MRTFA: variants seen among roughly 807,000 people sequenced by gnomAD.
MRTFA encodes myocardin related transcription factor A.
In MRTFA, 20 loss-of-function variants were observed where a neutral mutation model predicts 83.5. That is an observed-to-expected ratio of 0.24 (90% CI 0.17 to 0.35). The LOEUF is 0.35. MRTFA is among the 10% of genes least tolerant of loss of function. The pLI, the probability that MRTFA is intolerant of heterozygous loss-of-function variation, is 1.00. For synonymous variants in MRTFA, 659 were observed against 541.2 expected, an observed-to-expected ratio of 1.22 and a Z score of -3.02; for missense variants, 1,200 against 1,224.7, an observed-to-expected ratio of 0.98 and a Z score of 0.30.
At chr22:40,609,954 CAGAGT>C (rs2056366651) in intron 1 of MRTFA, among the ~76,000 whole-genome samples, 2 of 151,812 alleles carry the variant, frequency 1.3e-5, no homozygotes, top group Admixed American at 1.3e-4. Context: ...CAGTTCTAAT[CAGAGT>C]AAAGAGGATA....
At chr22:40,597,922 C>T (rs1442683287) in intron 1 of MRTFA, among the ~76,000 whole-genome samples, 1 of 152,186 alleles carries the variant, frequency 6.6e-6, no homozygotes, top group Non-Finnish European at 1.5e-5. Flanking sequence ...TTAATCGAGT[C>T]TGCCAGGTTT....
intron 1 of MRTFA, among the ~76,000 whole-genome samples, chr22:40,609,185 GGAGGCT>G (rs1245958799): frequency 6.6e-6 from 1 of 151,944 alleles, no homozygotes; most frequent in Non-Finnish European, 1.5e-5. Context: ...CAGCTTCTCA[GGAGGCT>G]GAGGCAGGGG....
chr22:40,540,373 GC>G (rs1569319501), intron 3 of MRTFA, among the ~76,000 whole-genome samples: 2 of 152,064 alleles, frequency 1.3e-5, no homozygotes, highest in African/African-American at 4.8e-5. Context: ...TCTCCATAAA[GC>G]CTTCTCTGAT....
Position 40,467,992 on chromosome 22 carries a change from C to A in MRTFA, c.242-4706G>T, listed in dbSNP as rs565194862. Among the ~76,000 whole-genome samples, 4 of 152,156 alleles carry A rather than the reference C, an allele frequency of 2.6e-5. No homozygotes were observed. In the East Asian group the frequency reaches 5.8e-4, roughly 22 times the overall value. ...TGGAATAAAAAGAAAAGAAACCCAA[C>A]CATAAAGTGAAAAACCCTAGGTTCT... On this transcript the variant is annotated intron_variant, in intron 3 of 14. Coordinates refer to ENST00000355630, the MANE Select transcript of MRTFA (RefSeq NM_020831.6).
chr22:40,614,222 T>A (rs2056421861), intron 1 of MRTFA, among the ~76,000 whole-genome samples: 1 of 149,130 alleles, frequency 6.7e-6, no homozygotes, highest in Non-Finnish European at 1.5e-5. Context: ...AATAAATAAA[T>A]AAATAAATAA....
intron 2 of MRTFA, among the ~76,000 whole-genome samples, chr22:40,580,458 CAA>C (rs1436615597): frequency 6.6e-6 from 1 of 152,160 alleles, no homozygotes; most frequent in Non-Finnish European, 1.5e-5. Context: ...CTTGATCTCT[CAA>C]AGTGTTGGGA....
At chr22:40,587,464 C>G (rs1166793140) in intron 2 of MRTFA, 8 of 333,582 alleles carry the variant, frequency 2.4e-5, no homozygotes, top group Admixed American at 4.2e-5. Flanking sequence ...AGGCATAGCC[C>G]TTTTTTGTAT....
chr22:40,430,401 T>A (rs796843292), intron 6 of MRTFA, among the ~76,000 whole-genome samples: 1 of 151,992 alleles, frequency 6.6e-6, no homozygotes, highest in Non-Finnish European at 1.5e-5. Context: ...GACAGGAGAA[T>A]TGCTTGAGCC....
intron 2 of MRTFA, among the ~76,000 whole-genome samples, chr22:40,576,438 T>G (rs2055869417): frequency 6.6e-6 from 1 of 152,212 alleles, no homozygotes; most frequent in African/African-American, 2.4e-5. Context: ...ACTCAGTAAC[T>G]TTTAAGTGAA....
chr22:40,429,431 T>C (rs1017663337), intron 7 of MRTFA, 175 bp downstream of exon 7: 3 of 751,346 alleles, frequency 4.0e-6, no homozygotes, highest in African/African-American at 3.5e-5. Context: ...CTATCCCAAG[T>C]TCATACAACC....
rs184412224 is a variant in MRTFA at position 40,535,145 on chromosome 22, G to A, written c.241+16961C>T. Among the ~76,000 whole-genome samples the A allele has an allele frequency of 1.5e-3, 225 of 152,234 alleles. 3 individuals carry two copies. The highest frequency in any genetic ancestry group is 3.4e-4 in the Non-Finnish European group (23 of 68,022). ...GTGGGCTAAATGCTGCTCTGGGAAA[G>A]CAGAAGCATCTCACTGGCCCCTTCT... On this transcript the variant is annotated intron_variant, in intron 3 of 14. Transcript: ENST00000355630.
At chr22:40,420,687 C>G in intron 10 of MRTFA, 111 bp from the exon 11 acceptor site, 1 of 1,539,418 alleles carries the variant, frequency 6.5e-7, no homozygotes, top group Admixed American at 1.8e-5. Flanking sequence ...GGGGCAAGGG[C>G]CCAGCAAAGG....
intron 2 of MRTFA, chr22:40,586,806 AAAC>A (rs1251592770): frequency 2.7e-6 from 1 of 373,376 alleles, no homozygotes; most frequent in Non-Finnish European, 5.3e-6. Context: ...TCCTGCTTAA[AAAC>A]AACAACCTTC....
At chr22:40,464,544 G>A (rs5757956) in intron 3 of MRTFA, among the ~76,000 whole-genome samples, 2 of 151,594 alleles carry the variant, frequency 1.3e-5, no homozygotes, top group Non-Finnish European at 2.9e-5. Flanking sequence ...AAAATGTTCA[G>A]AGGAGGAGGG....
At chr22:40,452,997 T>C (rs1487718228) in intron 4 of MRTFA, among the ~76,000 whole-genome samples, 1 of 152,116 alleles carries the variant, frequency 6.6e-6, no homozygotes, top group Non-Finnish European at 1.5e-5. Flanking sequence ...CACTGATCAC[T>C]GAGGTAGAAA....
At chr22:40,583,391 G>T (rs1401233407) in intron 2 of MRTFA, among the ~76,000 whole-genome samples, 1 of 152,186 alleles carries the variant, frequency 6.6e-6, no homozygotes, top group Non-Finnish European at 1.5e-5. Context: ...GACCAAAGAA[G>T]AGGACAATTC....
intron 3 of MRTFA, among the ~76,000 whole-genome samples, chr22:40,499,635 C>T (rs1602341603): frequency 1.3e-5 from 2 of 152,148 alleles, no homozygotes; most frequent in Admixed American, 6.5e-5. Context: ...TCCTTCCTCC[C>T]TATAATTACA....
chr22:40,607,122 T>TA lies in MRTFA; in HGVS notation c.-83-12388dup, dbSNP rs111948093. ...CAAAGTTATTTGTATGAAAAACAAG[T>TA]AACTGTGCTGGGTGAAGCCATAACC... On this transcript the variant is annotated intron_variant, in intron 1 of 14. Coordinates refer to ENST00000355630, the MANE Select transcript of MRTFA (RefSeq NM_020831.6). Among the ~76,000 whole-genome samples, 1,138 of 152,304 alleles carry TA rather than the reference T, an allele frequency of 7.5e-3. 26 individuals carry two copies. The Middle Eastern group carries it at 0.075, about 10-fold the overall frequency.
rs866515111 is a variant in MRTFA, at chr22:40,580,907, T to C, written c.-22+13767A>G. On this transcript the variant is annotated intron_variant, in intron 2 of 14. Transcript: ENST00000355630. ...TCCCAAGTAGCTGGGACTGTAGGCA[T>C]GTTTTTATTTTGTCTTAACTGATCA... Among the ~76,000 whole-genome samples the C allele has an allele frequency of 5.9e-5, 9 of 152,226 alleles. 1 individual carries two copies. The highest frequency in any genetic ancestry group is 1.9e-4 in the African/African-American group (8 of 41,460).
Sources: allele counts gnomAD v4.1 joint callset (sites outside exome capture counted in the v4.1 genomes callset), GRCh38; gene constraint gnomAD v4.1.1; transcripts MANE v1.5; gene names NCBI Gene and HGNC (gene_info 2026-07-23, HGNC 2026-07-21).